The following ZNF66 variants were observed in gnomAD, a reference collection of about 807,000 sequenced individuals.
ZNF66 encodes putative zinc finger protein 66.
Under a neutral mutation model 35.2 loss-of-function variants are expected in ZNF66, and 32 were observed. That is an observed-to-expected ratio of 0.91 (90% CI 0.69 to 1.22). The LOEUF is 1.22. Among genes scored for constraint, ZNF66 ranks in the 50% most tolerant of loss-of-function variants. ZNF66 has a pLI of 0.00. For missense variants in ZNF66, 666 were observed against 543.1 expected (o/e 1.23, Z -2.25); for synonymous variants, 231 against 181.3 (o/e 1.27, Z -2.20).
chr19:20,800,227 G>A (rs1327818272), intron 3 of ZNF66, among the ~76,000 whole-genome samples: 1 of 152,112 alleles, frequency 6.6e-6, no homozygotes, highest in East Asian at 1.9e-4. Flanking sequence ...ATTTTGCCCA[G>A]GCTGGTCTCA....
At chr19:20,782,106 A>T (rs8100904) in intron 1 of ZNF66, among the ~76,000 whole-genome samples, 98,394 of 151,782 alleles carry the variant, frequency 0.65, 32,022 homozygotes, top group Non-Finnish European at 0.67. Context: ...ACCTGGCCAA[A>T]TTTTCTTTTT....
At chr19:20,797,743 TAGAAG>T (rs1364950208) in intron 3 of ZNF66, among the ~76,000 whole-genome samples, 1 of 151,996 alleles carries the variant, frequency 6.6e-6, no homozygotes, top group Non-Finnish European at 1.5e-5. Flanking sequence ...TTTGTATTTT[TAGAAG>T]AGATGGGGTT....
In ZNF66 at chr19:20,806,065, T is replaced by A; in HGVS notation, c.465T>A (p.His155Gln). 1.2e-6 allele frequency: 1 copy of A among 852,136 alleles called. No individual in the cohort carries two copies. The highest frequency in any genetic ancestry group is 1.5e-5 in the South Asian group (1 of 68,916). The allele number at this position is 852,136 out of a possible 1,614,324, so 52.8% of individuals were successfully genotyped here. Residue 155 changes from histidine (H) to glutamine (Q), a missense_variant, in exon 4 of 4, where the codon CAT becomes CAA. Coordinates refer to ENST00000344519, the MANE Select transcript of ZNF66 (RefSeq NM_001355197.2). ...GTGATAAACATGGGAAAGTCTTTCA[T>A]CAATTTTCAAATACAAACAGACATA... ...FQCDKHGKVF[H>Q]QFSNTNRHKI...
intron 3 of ZNF66, chr19:20,799,052 TTTTTCTTTCTTTC>T (rs1323169133): frequency 7.4e-6 from 1 of 134,486 alleles, no homozygotes; most frequent in African/African-American, 2.9e-5. Context: ...TCTTTCTTTC[TTTTTCTTTCTTTC>T]TTTTTTTTTT....
chr19:20,809,197 C>T lies in ZNF66; in HGVS notation c.*1875C>T, dbSNP rs942999622. Among the ~76,000 whole-genome samples the T allele has an allele frequency of 6.6e-6, 1 of 152,108 alleles. No homozygotes were observed. Among genetic ancestry groups the T allele is most frequent in the Non-Finnish European group, 1.5e-5 (1 of 68,024 alleles). On this transcript the variant is annotated 3_prime_UTR_variant, in exon 4 of 4. Transcript: ENST00000344519. ...GGACTATGTGAAAAGACCAAATCTA[C>T]CTCTGATTGGTGTACCTGAAAGTGA...
rs1411043811 is a variant in ZNF66 at position 20,807,997 on chromosome 19, G to A, written c.*675G>A. On this transcript the variant is annotated 3_prime_UTR_variant, in exon 4 of 4. Transcript: ENST00000344519. The stretch of plus-strand genomic sequence containing the variant: ...TGACAGATGGCACCTGGAAAATTGG[G>A]TTACTCCCACCCTAATACTGCGCAA... Among the ~76,000 whole-genome samples, 4 of 152,106 alleles carry A rather than the reference G, an allele frequency of 2.6e-5. No homozygotes were observed. The South Asian group carries it at 8.3e-4, about 32-fold the overall frequency.
chr19:20,784,955 G>C (rs1393286570), intron 1 of ZNF66: 1 of 153,004 alleles, frequency 6.5e-6, no homozygotes, highest in Non-Finnish European at 1.5e-5. Context: ...GTATCCCGTG[G>C]TGTCTGAATG....
rs1323401283 is a variant in ZNF66 at position 20,793,828 on chromosome 19, G to T, written c.176G>T (p.Gly59Val). 12 of 1,163,442 alleles carry T rather than the reference G, an allele frequency of 1.0e-5. No homozygotes were observed. Among genetic ancestry groups the T allele is most frequent in the Non-Finnish European group, 1.4e-5 (12 of 828,460 alleles). The allele number at this position is 1,163,442 out of a possible 1,614,324, so 72.1% of individuals were successfully genotyped here. A position where few individuals can be genotyped will look rare whatever the true frequency, so the allele number is the denominator to read the frequency against. Residue 59 changes from glycine to valine, a missense_variant, in exon 3 of 4, where the codon GGA becomes GTA. Gly to Val is a moderately radical substitution (Grantham distance 109). Transcript: ENST00000344519. Reference protein sequence around the residue: ...KPDLITHLEQGKKPSTMQRHE... With the variant: ...KPDLITHLEQVKKPSTMQRHE... ...GACCTCATCACCCATCTGGAGCAAGGAAAAAAACCTTCGACTATGCAGAGA... is the reference window on the plus strand; with the variant it reads ...GACCTCATCACCCATCTGGAGCAAGTAAAAAAACCTTCGACTATGCAGAGA...
chr19:20,795,221 C>T (rs2115093), intron 3 of ZNF66, among the ~76,000 whole-genome samples: 98,707 of 151,772 alleles, frequency 0.65, 32,226 homozygotes, highest in Non-Finnish European at 0.67. Context: ...ATACTTCCAT[C>T]ACTACATTCA....
Position 20,807,322 on chromosome 19 carries a change from G to T in ZNF66, c.1722G>T (p.Ter574TyrextTer7), listed in dbSNP as rs1488522556. ...PYKCENVAKP* is the reference protein window; with the variant it reads ...PYKCENVAKPY Reference sequence around the variant, plus strand: ...AATGTGAAAATGTGGCAAAGCCTTAGACACTCCTCTACCCTTACTAGACAT... The same window carrying T: ...AATGTGAAAATGTGGCAAAGCCTTATACACTCCTCTACCCTTACTAGACAT... The change falls in exon 4 of 4, where the codon TAG becomes TAT. Residue 574 changes from the stop codon to tyrosine (Y), a stop_lost. Transcript: ENST00000344519. 3.1e-6 allele frequency: 2 copies of T among 638,140 alleles called. No individual in the cohort carries two copies. Among genetic ancestry groups the T allele is most frequent in the South Asian group, 4.0e-5 (2 of 49,974 alleles). 39.5% of individuals were successfully genotyped at this position (638,140 alleles called of 1,614,324 possible). A position where few individuals can be genotyped will look rare whatever the true frequency, so the allele number is the denominator to read the frequency against.
chr19:20,794,925 G>T (rs1971377174), intron 3 of ZNF66, among the ~76,000 whole-genome samples: 1 of 141,548 alleles, frequency 7.1e-6, no homozygotes, highest in South Asian at 2.2e-4. Flanking sequence ...AGGCTAAAGT[G>T]CAATGGTGTG....
intron 1 of ZNF66, 57 bp from the exon 2 acceptor site, chr19:20,792,455 A>T (rs1268400443): frequency 7.1e-7 from 1 of 1,399,286 alleles, no homozygotes; most frequent in African/African-American, 1.5e-5. Context: ...CCTTAAGTCA[A>T]ATTAAAAATT....
intron 1 of ZNF66, among the ~76,000 whole-genome samples, chr19:20,777,851 A>C (rs1460838394): frequency 6.6e-6 from 1 of 152,042 alleles, no homozygotes; most frequent in Non-Finnish European, 1.5e-5. Flanking sequence ...GCTAGTTACC[A>C]AGGAAAAATA....
intron 3 of ZNF66, among the ~76,000 whole-genome samples, chr19:20,804,984 G>T (rs550719372): frequency 6.6e-6 from 1 of 152,152 alleles, no homozygotes; most frequent in Non-Finnish European, 1.5e-5. Flanking sequence ...ATTTCCTTCA[G>T]CATTTTATGT....
intron 1 of ZNF66, among the ~76,000 whole-genome samples, chr19:20,791,236 G>C (rs1248134158): frequency 1.3e-5 from 2 of 152,146 alleles, no homozygotes; most frequent in Non-Finnish European, 2.9e-5. Flanking sequence ...TGTAATCCCA[G>C]CACTTTGGGA....
intron 3 of ZNF66, 172 bp downstream of exon 3, chr19:20,794,050 A>C: frequency 1.8e-6 from 1 of 568,750 alleles, no homozygotes; most frequent in East Asian, 3.1e-5. Flanking sequence ...TTGCTGTCAC[A>C]AAGGGGCATA....
At chr19:20,791,376 T>C (rs1971335145) in intron 1 of ZNF66, among the ~76,000 whole-genome samples, 1 of 151,598 alleles carries the variant, frequency 6.6e-6, no homozygotes, top group South Asian at 2.1e-4. Context: ...TCCCAGCTAC[T>C]TGGGAGGCTG....
At position 20,807,785 on chromosome 19, in the gene ZNF66, C is replaced by T. The variant is rs6511164; in HGVS notation, c.*463C>T. 0.56 allele frequency among the ~76,000 whole-genome samples: 84,535 copies of T among 151,840 alleles called. 23,558 individuals are homozygous for T. Among genetic ancestry groups the T allele is most frequent in the East Asian group, 0.59 (3,040 of 5,122 alleles). On this transcript the variant is annotated 3_prime_UTR_variant, in exon 4 of 4. Coordinates refer to ENST00000344519, the MANE Select transcript of ZNF66 (RefSeq NM_001355197.2). The stretch of plus-strand genomic sequence containing the variant: ...TGTCTACAGCTCCCAGCCTGAGCGA[C>T]GCAGAAGATGGGTGATTTCTGCATT...
At chr19:20,785,052 T>C (rs1971275350) in intron 1 of ZNF66, 1 of 152,244 alleles carries the variant, frequency 6.6e-6, no homozygotes, top group Non-Finnish European at 1.5e-5. Context: ...GTCACCATTA[T>C]AAGTAGAAAG....
Sources: allele counts gnomAD v4.1 joint callset (sites outside exome capture counted in the v4.1 genomes callset), GRCh38; gene constraint gnomAD v4.1.1; transcripts MANE v1.5; gene names NCBI Gene and HGNC (gene_info 2026-07-23, HGNC 2026-07-21).